ALK: variants seen among roughly 807,000 people sequenced by gnomAD.
ALK encodes ALK receptor tyrosine kinase.
ALK carries 74 observed loss-of-function variants against 163.1 expected under a neutral mutation model. That is an observed-to-expected ratio of 0.45 (90% CI 0.38 to 0.55). The LOEUF is 0.55. Among genes scored for constraint, ALK ranks in the 20% least tolerant of loss-of-function variants. The pLI, the probability that ALK is intolerant of heterozygous loss-of-function variation, is 0.00. For missense variants in ALK, 2,063 were observed against 2,105.3 expected, an observed-to-expected ratio of 0.98 and a Z score of 0.39; for synonymous variants, 960 against 843.2, an observed-to-expected ratio of 1.14 and a Z score of -2.40.
intron 11 of ALK, among the ~76,000 whole-genome samples, chr2:29,266,516 A>C (rs555136081): frequency 6.6e-6 from 1 of 152,362 alleles, no homozygotes; most frequent in South Asian, 2.1e-4. Context: ...ACAATGTCAC[A>C]ACAGCATTTT....
intron 4 of ALK, among the ~76,000 whole-genome samples, chr2:29,422,722 A>G (rs1311275760): frequency 1.3e-5 from 2 of 152,196 alleles, no homozygotes; most frequent in African/African-American, 4.8e-5. Context: ...CTATTTCTTC[A>G]TGAGAGTCCT....
chr2:29,888,965 GA>G (rs1490835573), intron 1 of ALK, among the ~76,000 whole-genome samples: 1 of 152,140 alleles, frequency 6.6e-6, no homozygotes, highest in Non-Finnish European at 1.5e-5. Flanking sequence ...GTCCTAAGGG[GA>G]ATCCCAATGT....
intron 1 of ALK, among the ~76,000 whole-genome samples, chr2:29,906,718 G>A (rs1024594278): frequency 4.6e-5 from 7 of 152,080 alleles, no homozygotes; most frequent in African/African-American, 1.2e-4. Flanking sequence ...TTGCAAAAAC[G>A]AAAAGAGTAC....
At chr2:29,240,536 C>T (rs536285614) in intron 12 of ALK, among the ~76,000 whole-genome samples, 74 of 152,280 alleles carry the variant, frequency 4.9e-4, no homozygotes, top group African/African-American at 1.6e-3. Flanking sequence ...GGAGGTTCCT[C>T]ACAGAATGAC....
intron 4 of ALK, among the ~76,000 whole-genome samples, chr2:29,501,350 T>C (rs1040586276): frequency 7.9e-5 from 12 of 152,224 alleles, no homozygotes; most frequent in African/African-American, 2.4e-4. Flanking sequence ...CCAGAGGTCA[T>C]CTGTTACCTC....
At chr2:29,704,883 T>G (rs888359006) in intron 2 of ALK, among the ~76,000 whole-genome samples, 1 of 152,062 alleles carries the variant, frequency 6.6e-6, no homozygotes, top group Non-Finnish European at 1.5e-5. Flanking sequence ...TTTAACCACT[T>G]GAGTCTTGGT....
At chr2:29,786,099 G>C (rs566132680) in intron 1 of ALK, among the ~76,000 whole-genome samples, 1 of 152,136 alleles carries the variant, frequency 6.6e-6, no homozygotes, top group African/African-American at 2.4e-5. Flanking sequence ...CGAGACTAAG[G>C]ATGATTGACG....
chr2:29,623,799 T>C (rs1352800001), intron 3 of ALK, among the ~76,000 whole-genome samples: 1 of 152,248 alleles, frequency 6.6e-6, no homozygotes, highest in African/African-American at 2.4e-5. Flanking sequence ...ATTTCTATAA[T>C]GGGCTTATAC....
At chr2:29,636,088 A>C (rs1676517661) in intron 3 of ALK, among the ~76,000 whole-genome samples, 1 of 152,226 alleles carries the variant, frequency 6.6e-6, no homozygotes, top group Admixed American at 6.5e-5. Context: ...AAGAAGAATA[A>C]AGTGGGAAGA....
At chr2:29,619,185 T>C (rs17008348) in intron 3 of ALK, among the ~76,000 whole-genome samples, 1,961 of 152,226 alleles carry the variant, frequency 0.013, 43 homozygotes, top group African/African-American at 0.045. Context: ...GGGTGATCTG[T>C]GACATTGGAA....
intron 4 of ALK, among the ~76,000 whole-genome samples, chr2:29,440,652 A>G (rs1558324967): frequency 6.6e-6 from 1 of 152,148 alleles, no homozygotes; most frequent in Admixed American, 6.5e-5. Context: ...TTGGTATGCA[A>G]CTGCTGCAAA....
At chr2:29,595,115 C>T (rs1011677530) in intron 3 of ALK, among the ~76,000 whole-genome samples, 5 of 151,862 alleles carry the variant, frequency 3.3e-5, no homozygotes, top group African/African-American at 7.3e-5. Flanking sequence ...GCCAAGTAGA[C>T]GAATATTTGA....
chr2:29,834,163 C>T (rs142706712), intron 1 of ALK, among the ~76,000 whole-genome samples: 1 of 152,348 alleles, frequency 6.6e-6, no homozygotes, highest in African/African-American at 2.4e-5. Flanking sequence ...CAAGGCCACA[C>T]ATCTGGTAAG....
At chr2:29,600,227 A>C (rs1675344347) in intron 3 of ALK, among the ~76,000 whole-genome samples, 1 of 152,190 alleles carries the variant, frequency 6.6e-6, no homozygotes, top group Non-Finnish European at 1.5e-5. Flanking sequence ...CTCATAAACC[A>C]AAAATTCTCA....
intron 1 of ALK, among the ~76,000 whole-genome samples, chr2:29,739,842 C>T (rs898524328): frequency 6.6e-6 from 1 of 152,026 alleles, no homozygotes; most frequent in Non-Finnish European, 1.5e-5. Flanking sequence ...TAATTAGAGG[C>T]AAGCATGGGT....
intron 2 of ALK, among the ~76,000 whole-genome samples, chr2:29,709,295 G>A (rs1204672256): frequency 1.3e-5 from 2 of 152,134 alleles, no homozygotes; most frequent in Non-Finnish European, 2.9e-5. Context: ...TCCTGAAACT[G>A]ATTAATATGA....
chr2:29,629,853 G>A (rs557859778), intron 3 of ALK, among the ~76,000 whole-genome samples: 1 of 152,194 alleles, frequency 6.6e-6, no homozygotes, highest in South Asian at 2.1e-4. Context: ...TTTGAATGCA[G>A]GTTGGCCTGA....
chr2:29,858,600 G>T (rs548362397), intron 1 of ALK, among the ~76,000 whole-genome samples: 1 of 151,674 alleles, frequency 6.6e-6, no homozygotes, highest in African/African-American at 2.4e-5. Flanking sequence ...AAAATTAGCC[G>T]CTCGTGGTGG....
intron 3 of ALK, among the ~76,000 whole-genome samples, chr2:29,617,797 A>G (rs144000742): frequency 8.5e-5 from 13 of 152,284 alleles, no homozygotes; most frequent in Admixed American, 3.3e-4. Context: ...CGCCATTCTA[A>G]CAAGTGTCAG....
Sources: allele counts gnomAD v4.1 joint callset (sites outside exome capture counted in the v4.1 genomes callset), GRCh38; gene constraint gnomAD v4.1.1; transcripts MANE v1.5; gene names NCBI Gene and HGNC (gene_info 2026-07-23, HGNC 2026-07-21).